The following NAV2 variants were observed in gnomAD, a reference collection of about 807,000 sequenced individuals.
The protein encoded by NAV2 is neuron navigator 2, also known as helicase, APC down-regulated 1.
NAV2 carries 54 observed loss-of-function variants against 223.2 expected under a neutral mutation model. The ratio of observed to expected loss-of-function variants is 0.24; its 90% CI spans 0.19 to 0.30. The LOEUF (loss-of-function observed/expected upper bound fraction) is 0.30, where lower values mean the gene tolerates loss of function less well. Ranked by LOEUF, NAV2 falls within the 10% of genes least tolerant of loss-of-function variation. NAV2 has a pLI of 1.00. For missense variants in NAV2, 2,806 were observed against 3,147.5 expected, an observed-to-expected ratio of 0.89 and a Z score of 2.60; for synonymous variants, 1,279 against 1,239.3, an observed-to-expected ratio of 1.03 and a Z score of -0.67.
chr11:19,869,032 C>G (rs1033363353), intron 4 of NAV2, 35 bp downstream of exon 4: 63 of 1,596,142 alleles, frequency 3.9e-5, no homozygotes, highest in Non-Finnish European at 5.3e-5. Context: ...GCTGCCTCTT[C>G]ATCATTAGAA....
At chr11:19,386,265 A>G (rs1849038911) in intron 1 of NAV2, among the ~76,000 whole-genome samples, 3 of 152,140 alleles carry the variant, frequency 2.0e-5, no homozygotes, top group African/African-American at 7.2e-5. Flanking sequence ...AACTGATATC[A>G]TTTTATAATG....
intron 1 of NAV2, among the ~76,000 whole-genome samples, chr11:19,750,379 A>T (rs1019513585): frequency 1.3e-5 from 2 of 152,054 alleles, no homozygotes; most frequent in Admixed American, 1.3e-4. Flanking sequence ...CATGTGTCTC[A>T]TTTTCTCCCC....
At chr11:19,434,650 C>T (rs1590197695) in intron 1 of NAV2, among the ~76,000 whole-genome samples, 1 of 152,238 alleles carries the variant, frequency 6.6e-6, no homozygotes, top group Non-Finnish European at 1.5e-5. Flanking sequence ...TTTAACAGCT[C>T]CTAAGGCATT....
At chr11:20,023,178 T>C in intron 11 of NAV2, 2 of 1,523,808 alleles carry the variant, frequency 1.3e-6, no homozygotes, top group Non-Finnish European at 1.8e-6. Flanking sequence ...GTGGGTGTGG[T>C]GCATGTACTG....
intron 1 of NAV2, among the ~76,000 whole-genome samples, chr11:19,794,595 A>G (rs1216161182): frequency 6.6e-6 from 1 of 152,240 alleles, no homozygotes; most frequent in African/African-American, 2.4e-5. Context: ...TGACCATGGT[A>G]GGTCCACAGA....
At chr11:19,615,074 G>C (rs2046754351) in intron 1 of NAV2, among the ~76,000 whole-genome samples, 1 of 151,954 alleles carries the variant, frequency 6.6e-6, no homozygotes, top group Admixed American at 6.6e-5. Context: ...GCTCAGAATG[G>C]GTACTTTATA....
intron 1 of NAV2, among the ~76,000 whole-genome samples, chr11:19,461,875 G>C (rs1042838273): frequency 1.3e-5 from 2 of 152,180 alleles, no homozygotes; most frequent in South Asian, 4.1e-4. Flanking sequence ...GCGCGATCTC[G>C]CCTCACTGCA....
intron 1 of NAV2, among the ~76,000 whole-genome samples, chr11:19,623,648 T>G (rs575905314): frequency 1.2e-4 from 19 of 152,362 alleles, no homozygotes; most frequent in African/African-American, 4.6e-4. Flanking sequence ...ACACTGGTTA[T>G]TCCAGTTAGC....
chr11:20,087,726 T>C (rs1054074568), intron 26 of NAV2, among the ~76,000 whole-genome samples: 13 of 152,192 alleles, frequency 8.5e-5, no homozygotes, highest in Non-Finnish European at 1.6e-4. Flanking sequence ...GTGGGTATAG[T>C]TCAGGAACAC....
rs549451510 is a variant in NAV2, at chr11:19,733,863, A to G, written c.267+19901A>G. On this transcript the variant is annotated intron_variant, in intron 1 of 37. Transcript: ENST00000349880. The stretch of plus-strand genomic sequence containing the variant: ...TGGGAGGCTGATGGTGGTAGTTGTG[A>G]TAGTGATAGTGATGGTGATGGTTAA... 1.6e-4 allele frequency among the ~76,000 whole-genome samples: 24 copies of G among 152,246 alleles called. 1 individual carries two copies. The highest frequency in any genetic ancestry group is 5.1e-4 in the African/African-American group (21 of 41,544).
At chr11:19,644,722 G>T (rs549327479) in intron 1 of NAV2, among the ~76,000 whole-genome samples, 41 of 152,324 alleles carry the variant, frequency 2.7e-4, no homozygotes, top group African/African-American at 9.6e-4. Context: ...TTGGGGTGTG[G>T]ACCTCCGCTT....
At chr11:19,715,636 A>G (rs2050241044) in intron 1 of NAV2, among the ~76,000 whole-genome samples, 2 of 152,160 alleles carry the variant, frequency 1.3e-5, no homozygotes, top group Non-Finnish European at 2.9e-5. Flanking sequence ...TTTAACAAAC[A>G]TTGTCAGAGG....
chr11:19,679,724 T>C (rs1474421643), intron 1 of NAV2, among the ~76,000 whole-genome samples: 1 of 152,206 alleles, frequency 6.6e-6, no homozygotes, highest in Admixed American at 6.5e-5. Flanking sequence ...CCCTTCCTTT[T>C]TGGCGGTTCT....
chr11:19,827,366 A>G (rs77415203), intron 1 of NAV2, among the ~76,000 whole-genome samples: 1,934 of 152,230 alleles, frequency 0.013, 24 homozygotes, highest in Middle Eastern at 0.031. Flanking sequence ...CCATAAATGG[A>G]TGAGTCTGTG....
intron 1 of NAV2, among the ~76,000 whole-genome samples, chr11:19,805,695 C>G (rs2058518967): frequency 6.6e-6 from 1 of 152,206 alleles, no homozygotes; most frequent in Non-Finnish European, 1.5e-5. Context: ...TTTGAAATAT[C>G]TAACCATGTT....
At position 19,420,755 on chromosome 11, in the gene NAV2, A is replaced by G. The variant is rs1850578120; in HGVS notation, c.75+69728A>G. Among the ~76,000 whole-genome samples the G allele has an allele frequency of 2.0e-5, 3 of 152,320 alleles. No homozygotes were observed. The South Asian group carries it at 6.2e-4, about 32-fold the overall frequency. ...CCCTTGGAGCAAGAGCGTGACCATA[A>G]TAGAATGGAGCATGAGGGGGCTTCT... On this transcript the variant is annotated intron_variant, in intron 1 of 37. Transcript: ENST00000360655.
chr11:19,791,779 A>G (rs1430989203), intron 1 of NAV2, among the ~76,000 whole-genome samples: 1 of 152,112 alleles, frequency 6.6e-6, no homozygotes, highest in Non-Finnish European at 1.5e-5. Context: ...GGGAAAGCAT[A>G]GGACTTATTC....
At chr11:19,872,099 A>G (rs1373770621) in intron 4 of NAV2, among the ~76,000 whole-genome samples, 1 of 152,188 alleles carries the variant, frequency 6.6e-6, no homozygotes, top group Non-Finnish European at 1.5e-5. Context: ...CGTCTGCCAC[A>G]TTCTCAAACT....
At chr11:19,387,959 G>T (rs923355124) in intron 1 of NAV2, among the ~76,000 whole-genome samples, 8 of 152,158 alleles carry the variant, frequency 5.3e-5, no homozygotes, top group African/African-American at 1.9e-4. Context: ...CAATGACATT[G>T]CCTGTGAGCT....
Sources: allele counts gnomAD v4.1 joint callset (sites outside exome capture counted in the v4.1 genomes callset), GRCh38; gene constraint gnomAD v4.1.1; transcripts MANE v1.5; gene names NCBI Gene and HGNC (gene_info 2026-07-23, HGNC 2026-07-21).